Variants in UGP2 observed in about 807,000 individuals in gnomAD.
The protein encoded by UGP2 is UDP-glucose pyrophosphorylase 2, also known as UTP--glucose-1-phosphate uridylyltransferase.
A neutral mutation model predicts 49.0 loss-of-function variants in UGP2; 40 were observed. The ratio of observed to expected loss-of-function variants is 0.82; its 90% CI spans 0.63 to 1.06. UGP2 has a LOEUF of 1.06. Ranked by LOEUF, UGP2 falls within the 50% of genes least tolerant of loss-of-function variation. UGP2 has a pLI of 0.00. For synonymous variants in UGP2, 225 were observed against 213.0 expected, an observed-to-expected ratio of 1.06 and a Z score of -0.49; for missense variants, 460 against 603.5, an observed-to-expected ratio of 0.76 and a Z score of 2.49.
chr2:63,866,900 G>A (rs1670220762), intron 3 of UGP2, among the ~76,000 whole-genome samples: 2 of 152,128 alleles, frequency 1.3e-5, no homozygotes, highest in Admixed American at 6.6e-5. Context: ...TCCTCAGTGT[G>A]AAACCCCAAA....
intron 1 of UGP2, among the ~76,000 whole-genome samples, chr2:63,844,235 AC>A (rs1376215107): frequency 3.3e-5 from 5 of 152,172 alleles, no homozygotes; most frequent in African/African-American, 1.2e-4. Context: ...TAAATGATAA[AC>A]CTAATTGGCA....
intron 7 of UGP2, among the ~76,000 whole-genome samples, chr2:63,886,769 T>C (rs1347794589): frequency 1.3e-5 from 2 of 152,186 alleles, no homozygotes; most frequent in Non-Finnish European, 2.9e-5. Context: ...GCAAAAACAC[T>C]GGGCTTCAAA....
intron 3 of UGP2, among the ~76,000 whole-genome samples, chr2:63,861,393 T>C (rs1448537537): frequency 6.6e-6 from 1 of 152,050 alleles, no homozygotes; most frequent in East Asian, 1.9e-4. Flanking sequence ...TCTTGAGCGC[T>C]AATTTAAAAC....
intron 7 of UGP2, 111 bp from the exon 8 acceptor site, chr2:63,887,291 C>G (rs888823093): frequency 2.9e-6 from 4 of 1,403,388 alleles, no homozygotes; most frequent in African/African-American, 2.9e-5. Context: ...TTTTTTTTTT[C>G]CATCAATGGA....
intron 3 of UGP2, among the ~76,000 whole-genome samples, chr2:63,870,865 G>T (rs1670502194): frequency 6.6e-6 from 1 of 152,148 alleles, no homozygotes; most frequent in Non-Finnish European, 1.5e-5. Flanking sequence ...TGCTGTGATA[G>T]GAGGCGGTAG....
At chr2:63,851,087 A>G (rs566256124) in intron 1 of UGP2, among the ~76,000 whole-genome samples, 1 of 152,214 alleles carries the variant, frequency 6.6e-6, no homozygotes, top group Non-Finnish European at 1.5e-5. Flanking sequence ...GCATATGAGC[A>G]TGTAATAGGT....
At chr2:63,875,250 T>A (rs1343633031) in intron 3 of UGP2, among the ~76,000 whole-genome samples, 2 of 152,230 alleles carry the variant, frequency 1.3e-5, no homozygotes, top group African/African-American at 4.8e-5. Context: ...ATTCGTTAAC[T>A]GTTTACACAG....
At chr2:63,874,256 AAGG>A (rs1240614044) in intron 3 of UGP2, among the ~76,000 whole-genome samples, 1 of 152,172 alleles carries the variant, frequency 6.6e-6, no homozygotes, top group Non-Finnish European at 1.5e-5. Flanking sequence ...ATGATGCAAT[AAGG>A]AGGGAAACAT....
intron 3 of UGP2, among the ~76,000 whole-genome samples, chr2:63,870,578 A>G (rs1287862875): frequency 6.6e-6 from 1 of 152,220 alleles, no homozygotes; most frequent in African/African-American, 2.4e-5. Context: ...GTTTCTAATC[A>G]GTGATCAAAC....
intron 3 of UGP2, among the ~76,000 whole-genome samples, chr2:63,870,610 A>C (rs1362809672): frequency 6.6e-6 from 1 of 152,216 alleles, no homozygotes; most frequent in Non-Finnish European, 1.5e-5. Context: ...TAAACTAAGG[A>C]TTTAAAAGTA....
At chr2:63,860,762 ATTTT>A (rs556819048) in intron 3 of UGP2, among the ~76,000 whole-genome samples, 1 of 123,702 alleles carries the variant, frequency 8.1e-6, no homozygotes, top group East Asian at 2.6e-4. Flanking sequence ...GGCCCAGCTA[ATTTT>A]TTTTTTTTTT....
chr2:63,846,996 GAA>G, intron 1 of UGP2, among the ~76,000 whole-genome samples: 1 of 152,250 alleles, frequency 6.6e-6, no homozygotes, highest in Non-Finnish European at 1.5e-5. Flanking sequence ...TTGAGCTGAT[GAA>G]AAGTGCTGTT....
intron 3 of UGP2, among the ~76,000 whole-genome samples, chr2:63,860,320 G>A (rs1395034471): frequency 1.3e-5 from 2 of 152,152 alleles, no homozygotes; most frequent in African/African-American, 2.4e-5. Flanking sequence ...CACCTGGTTT[G>A]TAAGTAAAGT....
chr2:63,872,327 G>A (rs1670612696), intron 3 of UGP2, among the ~76,000 whole-genome samples: 2 of 152,194 alleles, frequency 1.3e-5, no homozygotes, highest in Non-Finnish European at 2.9e-5. Flanking sequence ...TGGTTATATG[G>A]TGGATCCTGC....
intron 1 of UGP2, among the ~76,000 whole-genome samples, chr2:63,844,127 ACCT>A (rs924559615): frequency 7.9e-5 from 12 of 152,134 alleles, no homozygotes; most frequent in Non-Finnish European, 1.3e-4. Context: ...AGAATATGAC[ACCT>A]CCTCAAAATT....
chr2:63,857,659 C>A, intron 2 of UGP2, 170 bp from the exon 3 acceptor site: 1 of 715,880 alleles, frequency 1.4e-6, no homozygotes, highest in South Asian at 1.5e-5. Flanking sequence ...ACCAACTACG[C>A]CCAGCCTGTA....
At chr2:63,882,020 G>A (rs1006962514) in intron 3 of UGP2, among the ~76,000 whole-genome samples, 2 of 152,188 alleles carry the variant, frequency 1.3e-5, no homozygotes, top group Non-Finnish European at 2.9e-5. Flanking sequence ...TGTGGTAGAA[G>A]GAATAATGTG....
chr2:63,885,550 C>A, intron 5 of UGP2, 39 bp from the exon 6 acceptor site: 1 of 1,472,558 alleles, frequency 6.8e-7, no homozygotes. Context: ...AAATGCTCTA[C>A]AGGGTCAATA....
chr2:63,877,722 G>C (rs903002567), intron 3 of UGP2, among the ~76,000 whole-genome samples: 2 of 151,774 alleles, frequency 1.3e-5, no homozygotes, highest in Non-Finnish European at 2.9e-5. Context: ...GGCCGGGCGC[G>C]GTGGCTCACG....
Sources: gnomAD v4.1 joint callset for allele counts (sites outside exome capture counted in the v4.1 genomes callset) on GRCh38, gnomAD v4.1.1 for gene constraint, MANE v1.5 for transcripts, NCBI Gene and HGNC (gene_info 2026-07-23, HGNC 2026-07-21) for gene names.